SNRPG: variants seen among roughly 807,000 people sequenced by gnomAD.
The protein encoded by SNRPG is small nuclear ribonucleoprotein polypeptide G.
In SNRPG, 3 loss-of-function variants were observed where a neutral mutation model predicts 13.9. That is an observed-to-expected ratio of 0.22 (90% CI 0.10 to 0.56). SNRPG has a LOEUF of 0.56. Ranked by LOEUF, SNRPG falls within the 20% of genes least tolerant of loss-of-function variation. The pLI is 0.93. For missense variants in SNRPG, 34 were observed against 96.1 expected, an observed-to-expected ratio of 0.35 and a Z score of 2.70; for synonymous variants, 29 against 29.3, an observed-to-expected ratio of 0.99 and a Z score of 0.03.
At chr2:70,285,280 G>C (rs184689826) in intron 3 of SNRPG, among the ~76,000 whole-genome samples, 57 of 152,192 alleles carry the variant, frequency 3.7e-4, no homozygotes, top group African/African-American at 1.3e-3. Flanking sequence ...GAAGTAAAAA[G>C]AAGTTCGTGC....
At chr2:70,292,034 G>A (rs1260447608) in intron 1 of SNRPG, among the ~76,000 whole-genome samples, 5 of 146,746 alleles carry the variant, frequency 3.4e-5, no homozygotes, top group Non-Finnish European at 7.4e-5. Context: ...TGCAAGCTCC[G>A]CCTCCCGGGT....
intron 3 of SNRPG, among the ~76,000 whole-genome samples, chr2:70,286,542 G>T (rs1696947425): frequency 6.6e-6 from 1 of 151,990 alleles, no homozygotes; most frequent in South Asian, 2.1e-4. Flanking sequence ...GCTGGGGGTT[G>T]GGGGGCGTGT....
chr2:70,282,795 G>A (rs1696827291), intron 3 of SNRPG, among the ~76,000 whole-genome samples: 1 of 152,134 alleles, frequency 6.6e-6, no homozygotes, highest in South Asian at 2.1e-4. Flanking sequence ...AGCCATAAAT[G>A]AAGATAAGAA....
At chr2:70,291,800 T>G (rs1247020748) in intron 1 of SNRPG, among the ~76,000 whole-genome samples, 2 of 151,688 alleles carry the variant, frequency 1.3e-5, no homozygotes, top group Non-Finnish European at 2.9e-5. Flanking sequence ...AAGAAAATCT[T>G]AGATTACAAG....
intron 3 of SNRPG, among the ~76,000 whole-genome samples, chr2:70,284,708 A>T (rs992697347): frequency 2.0e-5 from 3 of 150,128 alleles, no homozygotes; most frequent in Non-Finnish European, 3.0e-5. Context: ...TAAATTCTCA[A>T]TTTTTTTTTT....
At chr2:70,282,794 T>G (rs940064309) in intron 3 of SNRPG, among the ~76,000 whole-genome samples, 9 of 152,200 alleles carry the variant, frequency 5.9e-5, no homozygotes, top group South Asian at 2.1e-4. Flanking sequence ...AAGCCATAAA[T>G]GAAGATAAGA....
chr2:70,290,966 G>A (rs1422705350), intron 1 of SNRPG, among the ~76,000 whole-genome samples: 2 of 148,542 alleles, frequency 1.3e-5, no homozygotes, highest in Non-Finnish European at 3.0e-5. Flanking sequence ...AGCCAAGATC[G>A]CGCCACTGCA....
At chr2:70,281,860 T>C (rs577304295) in intron 3 of SNRPG, among the ~76,000 whole-genome samples, 176 bp from the exon 4 acceptor site, 1 of 152,292 alleles carries the variant, frequency 6.6e-6, no homozygotes, top group East Asian at 1.9e-4. Context: ...ACGACAGACA[T>C]CTTTTGGATT....
chr2:70,289,966 G>A (rs1697040692), intron 1 of SNRPG, among the ~76,000 whole-genome samples: 1 of 148,876 alleles, frequency 6.7e-6, no homozygotes, highest in African/African-American at 2.5e-5. Context: ...CATTCTTATT[G>A]TTCAATACTA....
chr2:70,291,971 G>A (rs1392132937), intron 1 of SNRPG, among the ~76,000 whole-genome samples: 7 of 137,282 alleles, frequency 5.1e-5, no homozygotes, highest in East Asian at 4.1e-4. Context: ...TTTTTGAGAC[G>A]GAGTCTCGCT....
intron 3 of SNRPG, 108 bp from the exon 4 acceptor site, chr2:70,281,792 T>A: frequency 1.6e-6 from 1 of 632,992 alleles, no homozygotes; most frequent in Non-Finnish European, 2.8e-6. Context: ...ATATTACATG[T>A]CGGTTTGCAA....
At chr2:70,288,490 C>A (rs1003290409) in intron 2 of SNRPG, among the ~76,000 whole-genome samples, 1 of 152,238 alleles carries the variant, frequency 6.6e-6, no homozygotes, top group Non-Finnish European at 1.5e-5. Flanking sequence ...AACTCCTGGG[C>A]TCAAGGGATC....
At chr2:70,291,013 A>G (rs1242635414) in intron 1 of SNRPG, among the ~76,000 whole-genome samples, 1 of 95,584 alleles carries the variant, frequency 1.0e-5, no homozygotes, top group Non-Finnish European at 1.9e-5. Flanking sequence ...CTCCATCTCA[A>G]AACACACACA....
Position 70,293,726 on chromosome 2 carries a change from C to T in SNRPG, c.-77G>A. The T allele has an allele frequency of 7.2e-7, 1 of 1,385,362 alleles. No individual in the cohort carries two copies. Among genetic ancestry groups the T allele is most frequent in the Non-Finnish European group, 1.0e-6 (1 of 971,692 alleles). 85.8% of individuals were successfully genotyped at this position (1,385,362 alleles called of 1,614,324 possible). A position where few individuals can be genotyped will look rare whatever the true frequency, so the allele number is the denominator to read the frequency against. On this transcript the variant is annotated 5_prime_UTR_variant, in exon 1 of 4. Transcript: ENST00000272348. ...CCTCACGCTCCCGCTGTAGGCCCGGCGTCTTGCGTCTGGCGTCATCGACCT... is the reference window on the plus strand; with the variant it reads ...CCTCACGCTCCCGCTGTAGGCCCGGTGTCTTGCGTCTGGCGTCATCGACCT...
intron 3 of SNRPG, among the ~76,000 whole-genome samples, chr2:70,283,122 A>AAAAAAC (rs1241967786): frequency 0.078 from 6,418 of 82,224 alleles, 1,428 homozygotes; most frequent in Non-Finnish European, 0.12. Flanking sequence ...AAAAAAAAAA[A>AAAAAAC]AACAACAAAC....
At chr2:70,293,407 C>A (rs1035595623) in intron 1 of SNRPG, 21 of 637,040 alleles carry the variant, frequency 3.3e-5, no homozygotes, top group Non-Finnish European at 4.9e-5. Context: ...AAGGAGGTGC[C>A]GTGGCTGCCG....
chr2:70,282,291 A>G (rs1246459464), intron 3 of SNRPG, among the ~76,000 whole-genome samples: 1 of 152,184 alleles, frequency 6.6e-6, no homozygotes, highest in Admixed American at 6.5e-5. Flanking sequence ...AAAATTAATG[A>G]GTAAAATATG....
At chr2:70,281,762 A>G (rs1326092391) in intron 3 of SNRPG, 78 bp from the exon 4 acceptor site, 4 of 807,446 alleles carry the variant, frequency 5.0e-6, no homozygotes, top group Non-Finnish European at 8.3e-6. Context: ...AATTTTCACC[A>G]AATCATTAAT....
Position 70,288,093 on chromosome 2 carries a change from C to T in SNRPG, c.155G>A (p.Gly52Glu). 3 of 1,611,442 alleles carry T rather than the reference C, an allele frequency of 1.9e-6. No homozygotes were observed. The highest frequency in any genetic ancestry group is 1.7e-5 in the Admixed American group (1 of 60,024). Reference protein sequence around the residue: ...IDECVEMATSGQQNNIGMVVI... With the variant: ...IDECVEMATSEQQNNIGMVVI... ...CACCATTCCAATATTGTTCTGTTGT[C>T]CACTAGTCGCCATCTCCACACATTC... Residue 52 changes from glycine (G) to glutamate (E), a missense_variant, in exon 3 of 4, where the codon GGA becomes GAA. Gly to Glu is a moderately conservative substitution (Grantham distance 98). Transcript: ENST00000272348.
Sources: gnomAD v4.1 joint callset for allele counts (sites outside exome capture counted in the v4.1 genomes callset) on GRCh38, gnomAD v4.1.1 for gene constraint, MANE v1.5 for transcripts, NCBI Gene and HGNC (gene_info 2026-07-23, HGNC 2026-07-21) for gene names.